The following THSD7A variants were observed in gnomAD, a reference collection of about 807,000 sequenced individuals.
THSD7A encodes the protein thrombospondin type 1 domain containing 7A.
In THSD7A, 96 loss-of-function variants were observed where a neutral mutation model predicts 231.3. The observed-to-expected ratio is 0.41, with a 90% CI of 0.35 to 0.49. The LOEUF (loss-of-function observed/expected upper bound fraction) is 0.49. Among genes scored for constraint, THSD7A ranks in the 20% least tolerant of loss-of-function variants. The probability of loss-of-function intolerance (pLI) is 0.05; values close to 1 mark genes in which losing one functional copy is unlikely to be tolerated. For missense variants in THSD7A, 2,290 were observed against 2,070.2 expected (o/e 1.11, Z -2.06); for synonymous variants, 940 against 743.3 (o/e 1.26, Z -4.30).
chr7:11,566,776 A>G (rs1278421430), intron 4 of THSD7A, among the ~76,000 whole-genome samples: 3 of 152,152 alleles, frequency 2.0e-5, no homozygotes, highest in African/African-American at 7.2e-5. Context: ...TCTCAAGTTT[A>G]CACTGCCTAT....
chr7:11,538,998 T>C (rs1789030714), intron 6 of THSD7A, among the ~76,000 whole-genome samples: 1 of 152,212 alleles, frequency 6.6e-6, no homozygotes. Context: ...TTATTATTTC[T>C]TCAGTTCACA....
At chr7:11,587,220 C>T (rs754925550) in intron 4 of THSD7A, among the ~76,000 whole-genome samples, 1 of 152,210 alleles carries the variant, frequency 6.6e-6, no homozygotes, top group African/African-American at 2.4e-5. Context: ...AACCTCCCCA[C>T]AGGCAAGGCC....
chr7:11,745,479 T>A (rs754163296), intron 1 of THSD7A, among the ~76,000 whole-genome samples: 1 of 152,148 alleles, frequency 6.6e-6, no homozygotes, highest in Non-Finnish European at 1.5e-5. Context: ...TTGGCTTTTG[T>A]TGCCCTTGCT....
chr7:11,574,612 T>A (rs1406718544), intron 4 of THSD7A, among the ~76,000 whole-genome samples: 1 of 151,164 alleles, frequency 6.6e-6, no homozygotes, highest in Non-Finnish European at 1.5e-5. Context: ...TTTTTTTTTT[T>A]TTTTTAGTAG....
At chr7:11,818,990 T>C (rs1039311796) in intron 1 of THSD7A, among the ~76,000 whole-genome samples, 3 of 151,916 alleles carry the variant, frequency 2.0e-5, no homozygotes, top group Non-Finnish European at 4.4e-5. Context: ...CAGCTAAGAG[T>C]TGGCTACCTA....
intron 4 of THSD7A, among the ~76,000 whole-genome samples, chr7:11,563,732 A>T (rs907215295): frequency 6.6e-6 from 1 of 152,174 alleles, no homozygotes; most frequent in Non-Finnish European, 1.5e-5. Context: ...GGAAGCATAC[A>T]TGAATTGTAC....
chr7:11,703,607 A>T (rs1000525455), intron 1 of THSD7A, among the ~76,000 whole-genome samples: 1 of 151,238 alleles, frequency 6.6e-6, no homozygotes, highest in African/African-American at 2.4e-5. Context: ...GCCTGGCACA[A>T]TATCTTAATG....
At chr7:11,772,643 A>T (rs761564714) in intron 1 of THSD7A, among the ~76,000 whole-genome samples, 1 of 152,230 alleles carries the variant, frequency 6.6e-6, no homozygotes. Context: ...ATTCTTACTT[A>T]AAAATGGGAG....
chr7:11,571,019 T>G (rs1790605614), intron 4 of THSD7A, among the ~76,000 whole-genome samples: 3 of 152,358 alleles, frequency 2.0e-5, no homozygotes, highest in African/African-American at 7.2e-5. Context: ...TGGCTGGACC[T>G]TCTTGGCTGT....
rs1236137664 is a variant in THSD7A at position 11,372,345 on chromosome 7, T to G, written c.*3449A>C. 2 of 151,798 alleles carry G rather than the reference T, an allele frequency of 1.3e-5. No individual in the cohort carries two copies. Among genetic ancestry groups the G allele is most frequent in the African/African-American group, 4.8e-5 (2 of 41,320 alleles). 9.4% of individuals were successfully genotyped at this position (151,798 alleles called of 1,614,324 possible). On this transcript the variant is annotated 3_prime_UTR_variant, in exon 28 of 28. Transcript: ENST00000423059. ...TATACAAAAGCCATTACTTTTTTTT[T>G]TTTTTTTACAATGCCTAGCAGAATG...
At chr7:11,786,266 A>G (rs913954818) in intron 1 of THSD7A, among the ~76,000 whole-genome samples, 4 of 152,110 alleles carry the variant, frequency 2.6e-5, no homozygotes, top group Non-Finnish European at 2.9e-5. Context: ...TAGCAAGCCA[A>G]TAACTCAACT....
At chr7:11,711,870 C>T (rs774486192) in intron 1 of THSD7A, among the ~76,000 whole-genome samples, 1 of 151,072 alleles carries the variant, frequency 6.6e-6, no homozygotes, top group African/African-American at 2.4e-5. Flanking sequence ...AAATAAAAGC[C>T]TCACAAGCAT....
At chr7:11,786,334 A>G (rs1378812414) in intron 1 of THSD7A, among the ~76,000 whole-genome samples, 2 of 152,104 alleles carry the variant, frequency 1.3e-5, no homozygotes, top group African/African-American at 2.4e-5. Flanking sequence ...CCACTGTAAC[A>G]TTGCTAGAAA....
intron 4 of THSD7A, among the ~76,000 whole-genome samples, chr7:11,547,699 C>T (rs923099921): frequency 6.6e-6 from 1 of 152,142 alleles, no homozygotes; most frequent in Non-Finnish European, 1.5e-5. Flanking sequence ...GAAGTTAATA[C>T]TAAGATGATC....
chr7:11,718,475 G>C (rs891448322), intron 1 of THSD7A, among the ~76,000 whole-genome samples: 3 of 151,568 alleles, frequency 2.0e-5, no homozygotes, highest in African/African-American at 7.3e-5. Context: ...ACATTCTATA[G>C]TTTTTACAAA....
intron 6 of THSD7A, among the ~76,000 whole-genome samples, chr7:11,491,369 G>A (rs967630568): frequency 6.6e-6 from 1 of 151,958 alleles, no homozygotes; most frequent in South Asian, 2.1e-4. Flanking sequence ...ACAGTGATCA[G>A]TAGGAGTACT....
At chr7:11,407,127 AG>A (rs1288702299) in intron 20 of THSD7A, 72 bp from the exon 21 acceptor site, 1 of 1,562,452 alleles carries the variant, frequency 6.4e-7, no homozygotes, top group Non-Finnish European at 8.7e-7. Flanking sequence ...CATTGGGAGA[AG>A]GCATCACAGT....
intron 1 of THSD7A, among the ~76,000 whole-genome samples, chr7:11,709,559 G>C (rs994343805): frequency 6.6e-6 from 1 of 150,752 alleles, no homozygotes; most frequent in Admixed American, 6.6e-5. Flanking sequence ...TCCAACTGCT[G>C]TCTCTTTTGG....
chr7:11,641,155 C>A (rs1398721813), intron 1 of THSD7A, among the ~76,000 whole-genome samples: 1 of 152,124 alleles, frequency 6.6e-6, no homozygotes, highest in Non-Finnish European at 1.5e-5. Context: ...CATTGAATAC[C>A]AGGAACATCA....
Sources: gnomAD v4.1 joint callset for allele counts (sites outside exome capture counted in the v4.1 genomes callset) on GRCh38, gnomAD v4.1.1 for gene constraint, MANE v1.5 for transcripts, NCBI Gene and HGNC (gene_info 2026-07-23, HGNC 2026-07-21) for gene names.